HIVEP3: variants seen among roughly 807,000 people sequenced by gnomAD.
The protein encoded by HIVEP3 is HIVEP zinc finger 3.
Under a neutral mutation model 152.8 loss-of-function variants are expected in HIVEP3, and 49 were observed. That is an observed-to-expected ratio of 0.32 (90% CI 0.26 to 0.41). HIVEP3 has a LOEUF of 0.41. HIVEP3 is among the 10% of genes least tolerant of loss of function. The pLI is 1.00. For missense variants in HIVEP3, 2,790 were observed against 3,103.3 expected, an observed-to-expected ratio of 0.90 and a Z score of 2.40; for synonymous variants, 1,269 against 1,289.0, an observed-to-expected ratio of 0.98 and a Z score of 0.33.
rs143750631 is a variant in HIVEP3, at chr1:41,582,361, C to T, written c.2437G>A (p.Glu813Lys). 1.9e-5 allele frequency: 31 copies of T among 1,614,038 alleles called. No homozygotes were observed. Among genetic ancestry groups the T allele is most frequent in the South Asian group, 3.3e-5 (3 of 91,078 alleles). Residue 813 changes from glutamate (E) to lysine (K), a missense_variant, in exon 4 of 9, where the codon GAG (glutamate) becomes AAG (lysine). Glu to Lys is a moderately conservative substitution (Grantham distance 56). Coordinates refer to ENST00000372583, the MANE Select transcript of HIVEP3 (RefSeq NM_024503.5). This position sits in a 1 kb window ranked among gnomAD's most constrained non-coding sequence, Gnocchi z 4.7. ...TCCCCTTCCAAGCCACTCGGCTGCT[C>T]GAGAGAATCAGATTTCTCAAAGGAG... Reference protein sequence around the residue: ...TSSFEKSDSLEQPSGLEGEDK... With the variant: ...TSSFEKSDSLKQPSGLEGEDK...
chr1:41,889,423 C>T (rs1364967313), intron 1 of HIVEP3, among the ~76,000 whole-genome samples: 1 of 152,138 alleles, frequency 6.6e-6, no homozygotes, highest in Non-Finnish European at 1.5e-5. Flanking sequence ...CACCTCATTA[C>T]CCAAAAGCCA....
chr1:41,689,006 A>T (rs1156674070), intron 2 of HIVEP3, among the ~76,000 whole-genome samples: 1 of 152,206 alleles, frequency 6.6e-6, no homozygotes, highest in African/African-American at 2.4e-5. Flanking sequence ...AGCACTTAGG[A>T]CACTGTATTT....
intron 1 of HIVEP3, among the ~76,000 whole-genome samples, chr1:41,784,328 C>T (rs1649221690): frequency 6.6e-6 from 1 of 152,182 alleles, no homozygotes; most frequent in Non-Finnish European, 1.5e-5. Flanking sequence ...ATATTGGCTA[C>T]ATGTTGAAAT....
chr1:41,784,107 A>G (rs1358853548), intron 1 of HIVEP3, among the ~76,000 whole-genome samples: 1 of 152,222 alleles, frequency 6.6e-6, no homozygotes, highest in Non-Finnish European at 1.5e-5. Context: ...GGAGGGAGGC[A>G]GCTGTGCTTC....
chr1:41,802,006 G>A (rs1650337989), intron 1 of HIVEP3, among the ~76,000 whole-genome samples: 1 of 152,204 alleles, frequency 6.6e-6, no homozygotes, highest in African/African-American at 2.4e-5. Context: ...TGCTCTGGGA[G>A]AGAAGCAAGG....
At chr1:41,703,314 G>A (rs1450879584) in intron 1 of HIVEP3, among the ~76,000 whole-genome samples, 1 of 152,148 alleles carries the variant, frequency 6.6e-6, no homozygotes, top group East Asian at 1.9e-4. Context: ...TATTTTTGGT[G>A]TTATTTTAAC....
chr1:41,916,060 G>A (rs11210545), intron 1 of HIVEP3, among the ~76,000 whole-genome samples: 63,132 of 152,000 alleles, frequency 0.42, 15,020 homozygotes, highest in East Asian at 0.71. Flanking sequence ...TTGTCACACA[G>A]CTTTCTTAAT....
At chr1:41,622,372 G>C (rs375667441) in intron 3 of HIVEP3, among the ~76,000 whole-genome samples, 47 of 152,268 alleles carry the variant, frequency 3.1e-4, no homozygotes, top group African/African-American at 1.1e-3. Context: ...AGTGTGACAT[G>C]TTCTGCACAA....
chr1:41,711,766 G>A (rs945227326), intron 1 of HIVEP3, among the ~76,000 whole-genome samples: 1 of 152,146 alleles, frequency 6.6e-6, no homozygotes, highest in Non-Finnish European at 1.5e-5. Flanking sequence ...TGGTTCCAAC[G>A]ATGCCCACCA....
chr1:41,606,004 T>C (rs1644817983), intron 3 of HIVEP3, among the ~76,000 whole-genome samples: 1 of 152,236 alleles, frequency 6.6e-6, no homozygotes, highest in South Asian at 2.1e-4. Flanking sequence ...GATGTAGTAC[T>C]GGTGTGGTTA....
intron 1 of HIVEP3, chr1:41,848,399 G>A (rs961656226): frequency 6.6e-6 from 1 of 152,274 alleles, no homozygotes; most frequent in East Asian, 1.9e-4. Flanking sequence ...AGTGGGTTCT[G>A]GATGGATTGC....
intron 3 of HIVEP3, among the ~76,000 whole-genome samples, chr1:41,586,611 GT>G (rs1644510438): frequency 6.6e-6 from 1 of 152,158 alleles, no homozygotes; most frequent in South Asian, 2.1e-4. Context: ...GTTTCACTAG[GT>G]GTGTGATGAT....
In HIVEP3 at chr1:41,584,850, T is replaced by G. The variant is rs528220872; in HGVS notation, c.-53A>C. On this transcript the variant is annotated 5_prime_UTR_variant, in exon 4 of 9. The change abolishes an upstream ATG in the 5' untranslated region. Transcript: ENST00000372583. This position sits in a 1 kb window ranked among gnomAD's most constrained non-coding sequence, Gnocchi z 5.2. The stretch of plus-strand genomic sequence containing the variant: ...TCAGGGAGAGTCAGGGCGGGCTGCA[T>G]TTATGAATAATCCCAGTGTCCCAAG... 36 of 1,415,924 alleles carry G rather than the reference T, an allele frequency of 2.5e-5. No homozygotes were observed. The East Asian group carries it at 6.3e-4, about 25-fold the overall frequency. The allele number at this position is 1,415,924 out of a possible 1,614,324, so 87.7% of individuals were successfully genotyped here.
intron 2 of HIVEP3, among the ~76,000 whole-genome samples, chr1:41,678,302 A>T (rs1158612560): frequency 6.6e-6 from 1 of 152,074 alleles, no homozygotes; most frequent in Non-Finnish European, 1.5e-5. Context: ...TGATTGCGAC[A>T]ATGCATTAGG....
rs529491238 is a variant in HIVEP3 at position 41,725,475 on chromosome 1, A to G, written c.-800-24480T>C. 2.0e-5 allele frequency among the ~76,000 whole-genome samples: 3 copies of G among 152,364 alleles called. No individual in the cohort carries two copies. In the South Asian group the frequency reaches 6.2e-4, roughly 32 times the overall value. ...ACCTACCTAATGCAACAGCAATGGA[A>G]TAACTAAGAATTCCCAGGACTTCCC... On this transcript the variant is annotated intron_variant, in intron 1 of 8. Transcript: ENST00000372583.
At chr1:41,547,847 C>T (rs959179410) in intron 5 of HIVEP3, among the ~76,000 whole-genome samples, 2 of 150,904 alleles carry the variant, frequency 1.3e-5, no homozygotes, top group Non-Finnish European at 3.0e-5. Flanking sequence ...CCACACTCCA[C>T]GGACACCTTC....
At chr1:41,819,071 C>G (rs1642506222) in intron 1 of HIVEP3, among the ~76,000 whole-genome samples, 1 of 152,174 alleles carries the variant, frequency 6.6e-6, no homozygotes, top group East Asian at 1.9e-4. Flanking sequence ...AAGATACTCA[C>G]TAATAAATTG....
At chr1:41,625,757 T>A (rs1462151401) in intron 3 of HIVEP3, among the ~76,000 whole-genome samples, 3 of 152,224 alleles carry the variant, frequency 2.0e-5, no homozygotes, top group Admixed American at 2.0e-4. Context: ...AAATAAAGTC[T>A]TTTGCATCTG....
chr1:41,996,714 T>C (rs550886585), intron 1 of HIVEP3, among the ~76,000 whole-genome samples: 2 of 152,210 alleles, frequency 1.3e-5, no homozygotes, highest in Non-Finnish European at 2.9e-5. Context: ...ATCACAAACT[T>C]AGTGCCTTAA....
Sources: gnomAD v4.1 joint callset for allele counts (sites outside exome capture counted in the v4.1 genomes callset) on GRCh38, gnomAD v4.1.1 for gene constraint, Gnocchi (gnomAD v3.1) non-coding constraint, MANE v1.5 for transcripts, NCBI Gene and HGNC (gene_info 2026-07-23, HGNC 2026-07-21) for gene names.